GPC6: variants seen among roughly 807,000 people sequenced by gnomAD.
GPC6 encodes glypican 6.
A neutral mutation model predicts 55.2 loss-of-function variants in GPC6; 14 were observed. That is an observed-to-expected ratio of 0.25 (90% confidence interval 0.17 to 0.40). The LOEUF is 0.40. GPC6 is among the 10% of genes least tolerant of loss of function. GPC6 has a pLI of 1.00. For missense variants in GPC6, 641 were observed against 708.5 expected, an observed-to-expected ratio of 0.90 and a Z score of 1.08; for synonymous variants, 278 against 259.6, an observed-to-expected ratio of 1.07 and a Z score of -0.68.
At chr13:94,268,188 A>T (rs1227784025) in intron 4 of GPC6, among the ~76,000 whole-genome samples, 1 of 152,212 alleles carries the variant, frequency 6.6e-6, no homozygotes, top group Admixed American at 6.5e-5. Flanking sequence ...TGTCCATACT[A>T]ACTACAGAAT....
At chr13:94,151,119 G>A (rs1192960235) in intron 4 of GPC6, among the ~76,000 whole-genome samples, 2 of 152,012 alleles carry the variant, frequency 1.3e-5, no homozygotes, top group Non-Finnish European at 2.9e-5. Flanking sequence ...AAGATAAAGA[G>A]CATTTCCATG....
intron 1 of GPC6, among the ~76,000 whole-genome samples, chr13:93,390,002 A>G (rs181960068): frequency 1.3e-5 from 2 of 151,884 alleles, no homozygotes; most frequent in East Asian, 4.0e-4. Context: ...GGGATGCCTA[A>G]CATTATGGAA....
intron 4 of GPC6, among the ~76,000 whole-genome samples, chr13:94,146,415 T>G (rs1484806756): frequency 6.6e-6 from 1 of 152,124 alleles, no homozygotes; most frequent in African/African-American, 2.4e-5. Flanking sequence ...GAGAAGATAA[T>G]TTACCTTCAA....
intron 1 of GPC6, among the ~76,000 whole-genome samples, chr13:93,283,636 G>T (rs1336562827): frequency 1.3e-5 from 2 of 152,230 alleles, no homozygotes; most frequent in Admixed American, 1.3e-4. Context: ...TTTGGTGAAT[G>T]TGAGAAATTA....
chr13:93,489,305 G>T (rs7998238), intron 1 of GPC6, among the ~76,000 whole-genome samples: 2 of 151,074 alleles, frequency 1.3e-5, no homozygotes, highest in African/African-American at 4.8e-5. Context: ...ATTTCTGAGG[G>T]CTCTGTTCTG....
intron 1 of GPC6, among the ~76,000 whole-genome samples, chr13:93,422,889 T>C (rs540604228): frequency 8.4e-4 from 128 of 152,276 alleles, no homozygotes; most frequent in African/African-American, 2.9e-3. Flanking sequence ...CTTACACAAA[T>C]TAAATGAAGG....
At chr13:93,864,100 A>G (rs1370241245) in intron 3 of GPC6, among the ~76,000 whole-genome samples, 1 of 151,710 alleles carries the variant, frequency 6.6e-6, no homozygotes, top group East Asian at 2.0e-4. Flanking sequence ...TGGATATACC[A>G]TAATCCTACC....
chr13:93,958,136 TG>T (rs1294484414), intron 3 of GPC6, among the ~76,000 whole-genome samples: 1 of 152,226 alleles, frequency 6.6e-6, no homozygotes, highest in African/African-American at 2.4e-5. Context: ...ATGCATGCTT[TG>T]CAAATATTTT....
intron 1 of GPC6, among the ~76,000 whole-genome samples, chr13:93,329,818 A>G (rs1879780454): frequency 6.6e-6 from 1 of 151,886 alleles, no homozygotes; most frequent in Admixed American, 6.6e-5. Flanking sequence ...TAAGCCCAAC[A>G]AATAAATGGA....
chr13:93,670,104 T>G (rs1247051328), intron 2 of GPC6, among the ~76,000 whole-genome samples: 1 of 152,172 alleles, frequency 6.6e-6, no homozygotes, highest in Non-Finnish European at 1.5e-5. Flanking sequence ...AGTTAAGTCT[T>G]CCTTTGGGAT....
intron 2 of GPC6, among the ~76,000 whole-genome samples, chr13:93,659,932 C>G (rs1425895039): frequency 6.6e-6 from 1 of 151,904 alleles, no homozygotes; most frequent in Non-Finnish European, 1.5e-5. Flanking sequence ...GTATATTTAA[C>G]AATGTAGATT....
chr13:93,970,640 C>T (rs150232445), intron 3 of GPC6, among the ~76,000 whole-genome samples: 1,697 of 152,232 alleles, frequency 0.011, 17 homozygotes, highest in Middle Eastern at 0.037. Context: ...ATGGAACCTC[C>T]GGTCACTCAT....
chr13:94,166,145 A>G (rs1175182140), intron 4 of GPC6, among the ~76,000 whole-genome samples: 1 of 152,170 alleles, frequency 6.6e-6, no homozygotes, highest in African/African-American at 2.4e-5. Flanking sequence ...CTAGCACTGG[A>G]TAATGGAGGA....
intron 1 of GPC6, among the ~76,000 whole-genome samples, chr13:93,384,752 C>T (rs1420348187): frequency 1.3e-5 from 2 of 152,228 alleles, no homozygotes; most frequent in Non-Finnish European, 2.9e-5. Flanking sequence ...TGAACACTTT[C>T]ATGCCAACAG....
At chr13:93,673,215 CCT>C in intron 2 of GPC6, among the ~76,000 whole-genome samples, 1 of 152,194 alleles carries the variant, frequency 6.6e-6, no homozygotes, top group Non-Finnish European at 1.5e-5. Context: ...AGGAGGCAGA[CCT>C]CAGGGTCCTG....
intron 2 of GPC6, among the ~76,000 whole-genome samples, chr13:93,721,889 A>AC (rs1883467846): frequency 6.6e-6 from 1 of 151,698 alleles, no homozygotes. Flanking sequence ...TAGTCAAAAC[A>AC]CCGATGGAAA....
chr13:93,374,374 G>A (rs1461217199), intron 1 of GPC6, among the ~76,000 whole-genome samples: 3 of 152,188 alleles, frequency 2.0e-5, no homozygotes, highest in Admixed American at 2.0e-4. Flanking sequence ...CATCTTTGCC[G>A]CAGCTGGGAA....
At chr13:93,713,318 A>T (rs1883137324) in intron 2 of GPC6, among the ~76,000 whole-genome samples, 1 of 151,688 alleles carries the variant, frequency 6.6e-6, no homozygotes, top group Admixed American at 6.6e-5. Flanking sequence ...AGCAGAACTC[A>T]ATAAATAGAA....
intron 1 of GPC6, among the ~76,000 whole-genome samples, chr13:93,527,964 T>C (rs895797412): frequency 2.6e-5 from 4 of 152,170 alleles, no homozygotes; most frequent in Non-Finnish European, 5.9e-5. Flanking sequence ...CTATGTGATA[T>C]GATCAGTGTT....
Sources: gnomAD v4.1 joint callset for allele counts (sites outside exome capture counted in the v4.1 genomes callset) on GRCh38, gnomAD v4.1.1 for gene constraint, MANE v1.5 for transcripts, NCBI Gene and HGNC (gene_info 2026-07-23, HGNC 2026-07-21) for gene names.